The following ZNF569 variants were observed in gnomAD, a reference collection of about 807,000 sequenced individuals.
The protein encoded by ZNF569 is DNA-binding protein.
In ZNF569, 38 loss-of-function variants were observed where a neutral mutation model predicts 56.3. The observed-to-expected ratio is 0.68, with a 90% CI of 0.52 to 0.88. The LOEUF (loss-of-function observed/expected upper bound fraction) is 0.88. ZNF569 is among the 40% of genes least tolerant of loss of function. The pLI is 0.00. For missense variants in ZNF569, 666 were observed against 809.2 expected (o/e 0.82, Z 2.15); for synonymous variants, 241 against 262.9 (o/e 0.92, Z 0.81).
rs774644337 is a variant in ZNF569, at chr19:37,413,344, A to G, written c.1314T>C (p.Tyr438=). ...HQKIHTREKP[Y]ECNECGKAFI... is the part of the protein sequence containing the mutation. ...AAGCTTTCCCACATTCATTACACTC[A>G]TAAGGTTTCTCTCTAGTATGAATTT... Residue 438 remains tyrosine, a synonymous_variant, in exon 6 of 6, where the codon TAT becomes TAC. Transcript: ENST00000316950. 1 of 1,607,994 alleles carries G rather than the reference A, an allele frequency of 6.2e-7. No homozygotes were observed. Among genetic ancestry groups the G allele is most frequent in the South Asian group, 1.1e-5 (1 of 89,920 alleles).
intron 1 of ZNF569, among the ~76,000 whole-genome samples, chr19:37,466,451 G>A (rs2041838422): frequency 6.6e-6 from 1 of 152,074 alleles, no homozygotes; most frequent in Admixed American, 6.5e-5. Flanking sequence ...CCCACATGGA[G>A]AAACCCCGTC....
intron 3 of ZNF569, among the ~76,000 whole-genome samples, chr19:37,443,122 A>C: frequency 6.6e-6 from 1 of 152,134 alleles, no homozygotes; most frequent in East Asian, 1.9e-4. Flanking sequence ...TGAGGCGGGC[A>C]GATAACCCGA....
At chr19:37,453,372 GA>G (rs1223074060) in intron 2 of ZNF569, among the ~76,000 whole-genome samples, 1 of 152,162 alleles carries the variant, frequency 6.6e-6, no homozygotes, top group Non-Finnish European at 1.5e-5. Context: ...AATTGTTGCT[GA>G]ATTAGTATTT....
chr19:37,451,122 A>C (rs564227314), intron 2 of ZNF569, among the ~76,000 whole-genome samples: 4 of 151,062 alleles, frequency 2.6e-5, no homozygotes, highest in Non-Finnish European at 4.4e-5. Context: ...GTAGATGGCC[A>C]GGCACGGTGG....
intron 2 of ZNF569, chr19:37,454,752 C>A (rs1264769483): frequency 1.9e-5 from 13 of 678,594 alleles, no homozygotes; most frequent in African/African-American, 1.3e-4. Context: ...TTTTGCAAGT[C>A]CCCCAGTGGT....
At position 37,426,026 on chromosome 19, in the gene ZNF569, T is replaced by C; in HGVS notation, c.143-63A>G. ...CTAGGAACAAAGAACCACCCAAAAATTGAGGCTGGCCCAGGAAAACCAGGC... is the reference window on the plus strand; with the variant it reads ...CTAGGAACAAAGAACCACCCAAAAACTGAGGCTGGCCCAGGAAAACCAGGC... On this transcript the variant is annotated intron_variant, in intron 4 of 5. Transcript: ENST00000316950. 12 of 1,559,268 alleles carry C rather than the reference T, an allele frequency of 7.7e-6. 1 individual carries two copies. Among genetic ancestry groups the C allele is most frequent in the Middle Eastern group, 3.4e-4 (2 of 5,918 alleles).
intron 3 of ZNF569, among the ~76,000 whole-genome samples, chr19:37,433,946 A>G (rs912052421): frequency 4.6e-5 from 7 of 152,216 alleles, no homozygotes; most frequent in Admixed American, 3.3e-4. Context: ...AAGTACACAG[A>G]AAATGCAGAA....
chr19:37,413,761 T>C lies in ZNF569; in HGVS notation c.897A>G (p.Glu299=), dbSNP rs765186764. The C allele has an allele frequency of 3.1e-6, 5 of 1,613,636 alleles. No individual in the cohort carries two copies. Among genetic ancestry groups the C allele is most frequent in the Non-Finnish European group, 4.2e-6 (5 of 1,179,916 alleles). Residue 299 remains glutamate (E), a synonymous_variant, in exon 6 of 6, where the codon GAA becomes GAG. Coordinates refer to ENST00000316950, the MANE Select transcript of ZNF569 (RefSeq NM_152484.3). ...EKIHTGEKPY[E]CNECGKAFSQ... ...TGAATGCTTTTCCACACTCATTACA[T>C]TCATAAGGTTTCTCTCCAGTATGAA...
At chr19:37,414,736 G>C (rs1472493002) in intron 5 of ZNF569, among the ~76,000 whole-genome samples, 2 of 152,062 alleles carry the variant, frequency 1.3e-5, no homozygotes, top group East Asian at 3.8e-4. Context: ...AAGAAATAAT[G>C]ATAGAGAAAA....
chr19:37,426,496 G>C, intron 3 of ZNF569, 118 bp from the exon 4 acceptor site: 1 of 1,097,040 alleles, frequency 9.1e-7, no homozygotes, highest in Non-Finnish European at 1.2e-6. Flanking sequence ...CATCATATTA[G>C]CAGCATCCTG....
Position 37,467,344 on chromosome 19 carries a change from AG to A in ZNF569, c.-466del, listed in dbSNP as rs2041862355. ...CTCACAGCTCCGCGCAGGGGAGCTC[AG>A]CCTAGGTTTTGCACGAGCGGCCTCC... On this transcript the variant is annotated 5_prime_UTR_variant, in exon 1 of 6. Transcript: ENST00000316950. The A allele has an allele frequency of 6.5e-6, 1 of 154,346 alleles. No individual in the cohort carries two copies. Among genetic ancestry groups the A allele is most frequent in the Non-Finnish European group, 1.4e-5 (1 of 69,864 alleles). 9.6% of individuals were successfully genotyped at this position (154,346 alleles called of 1,614,324 possible). A position where few individuals can be genotyped will look rare whatever the true frequency, so the allele number is the denominator to read the frequency against.
intron 2 of ZNF569, among the ~76,000 whole-genome samples, chr19:37,453,615 A>G (rs544761816): frequency 3.3e-5 from 5 of 152,242 alleles, no homozygotes; most frequent in African/African-American, 1.2e-4. Context: ...TTTTCTTGTT[A>G]TCTTCAAGAT....
chr19:37,469,084 T>C (rs1003769767), upstream of ZNF569: 66 of 1,030,112 alleles, frequency 6.4e-5, no homozygotes, highest in Non-Finnish European at 7.4e-5. Context: ...GCCCGTGTAG[T>C]GTGACGCTGG....
At chr19:37,468,103 G>A (rs879565181), upstream of ZNF569, 1 of 596,020 alleles carries the variant, frequency 1.7e-6, no homozygotes, top group Admixed American at 3.4e-5. Context: ...TGTTTTTTTT[G>A]AGGCAGAGCC....
chr19:37,413,525 C>A lies in ZNF569; in HGVS notation c.1133G>T (p.Gly378Val), dbSNP rs1241775801. Residue 378 changes from glycine to valine, a missense_variant, in exon 6 of 6, where the codon GGT (glycine) becomes GTT (valine). Transcript: ENST00000316950. ...CTCATTACATTCATAGGGTTTTTCA[C>A]CTGTATGAATTCTAACATGTATAAT... ...MLIIHVRIHT[G>V]EKPYECNECG... 1 of 1,612,870 alleles carries A rather than the reference C, an allele frequency of 6.2e-7. No individual in the cohort carries two copies. The highest frequency in any genetic ancestry group is 1.7e-5 in the Admixed American group (1 of 59,768).
Position 37,412,686 on chromosome 19 carries a change from C to A in ZNF569, c.1972G>T (p.Gly658Cys). The change falls in exon 6 of 6, where the codon GGT becomes TGT. Residue 658 changes from glycine (G) to cysteine (C), a missense_variant. By Grantham distance (159) the Gly-to-Cys change is radical. Transcript: ENST00000316950. ...TCAATACAGTGATAGGGCTTCTCAC[C>A]TGTATGTTTTCTCATATGAAGGGTA... ...SLTLHMRKHT[G>C]EKPYHCIECG... is the part of the protein sequence containing the mutation. 6.2e-7 allele frequency: 1 copy of A among 1,614,082 alleles called. No homozygotes were observed. Among genetic ancestry groups the A allele is most frequent in the Non-Finnish European group, 8.5e-7 (1 of 1,179,960 alleles).
chr19:37,452,409 T>C (rs1328498731), intron 2 of ZNF569, among the ~76,000 whole-genome samples: 1 of 152,230 alleles, frequency 6.6e-6, no homozygotes, highest in Non-Finnish European at 1.5e-5. Context: ...CATACTTTTC[T>C]ATACTGTCTT....
At position 37,426,268 on chromosome 19, in the gene ZNF569, G is replaced by T. The variant is rs762879387; in HGVS notation, c.126C>A (p.Asn42Lys). The T allele has an allele frequency of 4.3e-6, 7 of 1,612,384 alleles. No individual in the cohort carries two copies. The highest frequency in any genetic ancestry group is 5.1e-6 in the Non-Finnish European group (6 of 1,179,410). The part of the protein sequence containing the change: ...LYRNVMLENY[N>K]NLITVGYPFT... ...TACTCTTACCTACTGTGATTAAGTT[G>T]TTATAGTTTTCTAGCATCACATTCC... Residue 42 changes from asparagine (N) to lysine (K), a missense_variant, in exon 4 of 6, where the codon AAC becomes AAA. Coordinates refer to ENST00000316950, the MANE Select transcript of ZNF569 (RefSeq NM_152484.3).
upstream of ZNF569, chr19:37,467,690 C>A (rs1380335274): frequency 1.6e-6 from 1 of 618,218 alleles, no homozygotes; most frequent in East Asian, 2.8e-5. Flanking sequence ...GTCCTGACAG[C>A]GGCTAGAAGA....
Sources: gnomAD v4.1 joint callset for allele counts (sites outside exome capture counted in the v4.1 genomes callset) on GRCh38, gnomAD v4.1.1 for gene constraint, MANE v1.5 for transcripts, NCBI Gene and HGNC (gene_info 2026-07-23, HGNC 2026-07-21) for gene names.